The following ACTN4 variants were observed in gnomAD, a reference collection of about 807,000 sequenced individuals.
ACTN4 encodes the protein actinin alpha 4.
ACTN4 carries 18 observed loss-of-function variants against 114.2 expected under a neutral mutation model. The observed-to-expected ratio is 0.16, with a 90% CI of 0.11 to 0.23. ACTN4 has a LOEUF of 0.23. ACTN4 is among the 10% of genes least tolerant of loss of function. The pLI, the probability that ACTN4 is intolerant of heterozygous loss-of-function variation, is 1.00. For synonymous variants in ACTN4, 515 were observed against 506.3 expected (o/e 1.02, Z -0.23); for missense variants, 722 against 1,262.9 (o/e 0.57, Z 6.49).
intron 1 of ACTN4, among the ~76,000 whole-genome samples, chr19:38,671,356 C>T (rs1295081673): frequency 6.6e-6 from 1 of 152,204 alleles, no homozygotes; most frequent in African/African-American, 2.4e-5. Context: ...CACTTTTCTA[C>T]AGAGGCAGCC....
chr19:38,648,405 G>C (rs1976453067), intron 1 of ACTN4: 1 of 153,484 alleles, frequency 6.5e-6, no homozygotes, highest in African/African-American at 2.4e-5. Context: ...GATTGGAATT[G>C]GGGGAGCCTC....
At chr19:38,683,052 G>A (rs1478127753) in intron 1 of ACTN4, among the ~76,000 whole-genome samples, 1 of 152,216 alleles carries the variant, frequency 6.6e-6, no homozygotes, top group African/African-American at 2.4e-5. Flanking sequence ...TCAGGATAGT[G>A]TATGGCTCGT....
intron 12 of ACTN4, among the ~76,000 whole-genome samples, chr19:38,722,212 A>C (rs1969068823): frequency 1.3e-5 from 2 of 152,056 alleles, no homozygotes; most frequent in African/African-American, 4.8e-5. Flanking sequence ...TAGTACGCTG[A>C]GGGTCGCGCT....
At chr19:38,728,438 C>G in intron 19 of ACTN4, 1 of 1,075,342 alleles carries the variant, frequency 9.3e-7, no homozygotes, top group Admixed American at 2.4e-5. Flanking sequence ...CCTCCTCCTC[C>G]TCCTCCTCCT....
chr19:38,725,551 G>A lies in ACTN4; in HGVS notation c.2011-173G>A, dbSNP rs34134906. Among the ~76,000 whole-genome samples the A allele has an allele frequency of 0.057, 8,701 of 152,300 alleles. 267 individuals are homozygous for A. The highest frequency in any genetic ancestry group is 0.096 in the South Asian group (465 of 4,832). On this transcript the variant is annotated intron_variant, in intron 16 of 20. Coordinates refer to ENST00000252699, the MANE Select transcript of ACTN4 (RefSeq NM_004924.6). ...TGCTTTAACATGAGAGGGCAGGACC[G>A]GAGGGGACAGTTGTGAGCAGTGGGC...
rs75098390 is a variant in ACTN4 at position 38,677,168 on chromosome 19, C to T, written c.163-23432C>T. Among the ~76,000 whole-genome samples the T allele has an allele frequency of 3.9e-3, 597 of 152,174 alleles. 4 individuals are homozygous for T. The highest frequency in any genetic ancestry group is 0.014 in the African/African-American group (565 of 41,468). The stretch of plus-strand genomic sequence containing the variant: ...CTATTTGTAGGGCCGTCGCACCTGA[C>T]ACCTCCAGCCTAGGTTAGGAGCATG... On this transcript the variant is annotated intron_variant, in intron 1 of 20. Transcript: ENST00000252699.
At chr19:38,688,416 C>CA (rs1967816558) in intron 1 of ACTN4, among the ~76,000 whole-genome samples, 1 of 135,858 alleles carries the variant, frequency 7.4e-6, no homozygotes, top group East Asian at 2.1e-4. Flanking sequence ...AAAAAACCCA[C>CA]AAAAATTAGC....
At chr19:38,718,182 G>A in intron 11 of ACTN4, 108 bp downstream of exon 11, 2 of 1,527,790 alleles carry the variant, frequency 1.3e-6, no homozygotes, top group Non-Finnish European at 8.9e-7. Flanking sequence ...CGTTGGGTCT[G>A]TTTCTCAGGT....
At position 38,708,103 on chromosome 19, in the gene ACTN4, C is replaced by G. The variant is rs938660722; in HGVS notation, c.573-14C>G. 1.2e-6 allele frequency: 2 copies of G among 1,614,230 alleles called. No individual in the cohort carries two copies. The highest frequency in any genetic ancestry group is 1.1e-5 in the South Asian group (1 of 91,084). ...GAGCGGGCCCTCCTATAACCTTTGC[C>G]TTTCCTTCCCCAGCTGGAAGGATGG... is the stretch of plus-strand genomic sequence containing the variant. On this transcript the variant is annotated splice_polypyrimidine_tract_variant and intron_variant, in intron 5 of 20. Coordinates refer to ENST00000252699, the MANE Select transcript of ACTN4 (RefSeq NM_004924.6).
At chr19:38,648,607 G>A (rs960670275) in intron 1 of ACTN4, among the ~76,000 whole-genome samples, 7 of 151,962 alleles carry the variant, frequency 4.6e-5, no homozygotes, top group African/African-American at 1.7e-4. Flanking sequence ...GGGGTCTGAG[G>A]AGGGTGGGGT....
At chr19:38,681,723 T>C (rs1241564755) in intron 1 of ACTN4, among the ~76,000 whole-genome samples, 1 of 152,232 alleles carries the variant, frequency 6.6e-6, no homozygotes, top group Non-Finnish European at 1.5e-5. Context: ...GGCAGCACTG[T>C]CAGGGTCTCC....
intron 1 of ACTN4, among the ~76,000 whole-genome samples, chr19:38,654,424 C>A (rs1327662955): frequency 6.6e-6 from 1 of 151,818 alleles, no homozygotes; most frequent in African/African-American, 2.4e-5. Flanking sequence ...TAGCCGGGCA[C>A]GGTGGTGCAC....
rs769333210 is a variant in ACTN4 at position 38,731,176 on chromosome 19, G to A, written c.*1744G>A. 56 of 1,613,090 alleles carry A rather than the reference G, an allele frequency of 3.5e-5. No individual in the cohort carries two copies. Among genetic ancestry groups the A allele is most frequent in the Middle Eastern group, 1.7e-4 (1 of 6,028 alleles). ...AAGTCCACACGCAGACGGCTATCCC[G>A]GTAGCGGCTGGTGAGGGTCTGGGTC... On this transcript the variant is annotated 3_prime_UTR_variant, in exon 21 of 21. Coordinates refer to ENST00000252699, the MANE Select transcript of ACTN4 (RefSeq NM_004924.6).
At chr19:38,666,246 C>T (rs1382378274) in intron 1 of ACTN4, among the ~76,000 whole-genome samples, 5 of 152,066 alleles carry the variant, frequency 3.3e-5, no homozygotes, top group African/African-American at 7.2e-5. Context: ...CAATCAAATC[C>T]ACAACCTAAT....
At chr19:38,667,109 CA>C (rs1266129474) in intron 1 of ACTN4, among the ~76,000 whole-genome samples, 2 of 152,162 alleles carry the variant, frequency 1.3e-5, no homozygotes, top group Non-Finnish European at 2.9e-5. Context: ...AAAAAAACAA[CA>C]ACACAAAAAG....
In ACTN4 at chr19:38,730,430, CTTTTTTTT is replaced by C. The variant is rs1202093647; in HGVS notation, c.*1001_*1008del. 5.7e-6 allele frequency: 1 copy of C among 175,422 alleles called. No individual in the cohort carries two copies. The highest frequency in any genetic ancestry group is 1.2e-5 in the Non-Finnish European group (1 of 82,712). The allele number at this position is 175,422 out of a possible 1,614,324, so 10.9% of individuals were successfully genotyped here. On this transcript the variant is annotated 3_prime_UTR_variant, in exon 21 of 21. Transcript: ENST00000252699. ...TGGTTGATGGTTTTGCTCCCCCTAC[CTTTTTTTT>C]TTGAGTTTATTCTGATTGATTTTTT...
At chr19:38,658,731 C>T (rs1458178026) in intron 1 of ACTN4, among the ~76,000 whole-genome samples, 3 of 152,158 alleles carry the variant, frequency 2.0e-5, no homozygotes, top group African/African-American at 7.2e-5. Context: ...TGAATCGACC[C>T]TTCTTACAGG....
intron 9 of ACTN4, 22 bp downstream of exon 9, chr19:38,714,583 G>C: frequency 6.2e-7 from 1 of 1,611,646 alleles, no homozygotes; most frequent in South Asian, 1.1e-5. Context: ...CCCAGTGAAA[G>C]TCAGGGCCAC....
At position 38,660,388 on chromosome 19, in the gene ACTN4, G is replaced by T. The variant is rs1002258425; in HGVS notation, c.162+12481G>T. Among the ~76,000 whole-genome samples, 8 of 151,184 alleles carry T rather than the reference G, an allele frequency of 5.3e-5. No individual in the cohort carries two copies. The East Asian group carries it at 9.8e-4, about 18-fold the overall frequency. On this transcript the variant is annotated intron_variant, in intron 1 of 20. Transcript: ENST00000252699. ...CTAAGTGCTTCCCATGGACTGACTG[G>T]TTTTTGTTTTTTTTTCTTTCCTTTG...
Sources: allele counts gnomAD v4.1 joint callset (sites outside exome capture counted in the v4.1 genomes callset), GRCh38; gene constraint gnomAD v4.1.1; transcripts MANE v1.5; gene names NCBI Gene and HGNC (gene_info 2026-07-23, HGNC 2026-07-21).